Variants in SUMF1 observed in about 807,000 individuals in gnomAD.
The protein encoded by SUMF1 is formylglycine-generating enzyme.
A neutral mutation model predicts 47.6 loss-of-function variants in SUMF1; 48 were observed. The ratio of observed to expected loss-of-function variants is 1.01; its 90% CI spans 0.80 to 1.28. The LOEUF is 1.28. Among genes scored for constraint, SUMF1 ranks in the 50% most tolerant of loss-of-function variants. The pLI is 0.00. For missense variants in SUMF1, 571 were observed against 485.4 expected, an observed-to-expected ratio of 1.18 and a Z score of -1.66; for synonymous variants, 230 against 192.1, an observed-to-expected ratio of 1.20 and a Z score of -1.63.
chr3:4,379,840 CAAAAAAAA>C (rs58264459), intron 7 of SUMF1, among the ~76,000 whole-genome samples: 5 of 76,884 alleles, frequency 6.5e-5, no homozygotes, highest in Admixed American at 6.4e-4. Flanking sequence ...GCCTCCATCT[CAAAAAAAA>C]AAAAAAAAAA....
chr3:4,185,033 T>C lies in SUMF1; in HGVS notation c.1015-116288A>G, dbSNP rs146603272. On this transcript the variant is annotated intron_variant and NMD_transcript_variant, in intron 8 of 12. Coordinates refer to the SUMF1 transcript ENST00000448413. The stretch of plus-strand genomic sequence containing the variant: ...TAAGGTAAAATCATCCTATTTCCTA[T>C]ACAAGGAGATTTTGTTGGTAAAATT... Among the ~76,000 whole-genome samples, 517 of 152,306 alleles carry C rather than the reference T, an allele frequency of 3.4e-3. 4 individuals are homozygous for C. The highest frequency in any genetic ancestry group is 0.012 in the African/African-American group (484 of 41,574).
At chr3:4,336,730 T>A (rs1397364252) in intron 8 of SUMF1, among the ~76,000 whole-genome samples, 3 of 152,252 alleles carry the variant, frequency 2.0e-5, no homozygotes, top group African/African-American at 7.2e-5. Flanking sequence ...TGCCCAGGCA[T>A]GATCAAAGAT....
chr3:4,357,179 G>A (rs188645069), downstream of SUMF1, among the ~76,000 whole-genome samples: 2 of 152,242 alleles, frequency 1.3e-5, no homozygotes, highest in African/African-American at 4.8e-5. Context: ...AAGGAGGGAA[G>A]GAGGGAGACA....
intron 8 of SUMF1, among the ~76,000 whole-genome samples, chr3:4,153,728 T>C (rs1021500153): frequency 6.6e-6 from 1 of 151,600 alleles, no homozygotes; most frequent in Non-Finnish European, 1.5e-5. Context: ...ACCTCCTTTG[T>C]ATAGTTATTG....
chr3:4,296,025 G>A (rs1187546878), intron 8 of SUMF1, among the ~76,000 whole-genome samples: 1 of 151,700 alleles, frequency 6.6e-6, no homozygotes. Context: ...ACATAACACA[G>A]GGTCACAATT....
chr3:4,455,328 T>A (rs1218054243), intron 1 of SUMF1, among the ~76,000 whole-genome samples: 4 of 152,106 alleles, frequency 2.6e-5, no homozygotes, highest in Admixed American at 2.0e-4. Flanking sequence ...AAAAAATGAA[T>A]AAATTCCTAG....
At chr3:4,196,251 G>T (rs1309487597) in intron 8 of SUMF1, among the ~76,000 whole-genome samples, 1 of 152,028 alleles carries the variant, frequency 6.6e-6, no homozygotes, top group African/African-American at 2.4e-5. Context: ...CCAATCATAA[G>T]GTCCCATCTC....
At chr3:4,062,257 A>G (rs144641374) in intron 9 of SUMF1, among the ~76,000 whole-genome samples, 55 of 152,240 alleles carry the variant, frequency 3.6e-4, no homozygotes, top group African/African-American at 1.2e-3. Flanking sequence ...ACTGGGCATC[A>G]AAGAGTCTAG....
At chr3:4,364,804 T>C (rs1271230530) in intron 8 of SUMF1, among the ~76,000 whole-genome samples, 1 of 152,040 alleles carries the variant, frequency 6.6e-6, no homozygotes, top group African/African-American at 2.4e-5. Flanking sequence ...CTGGTTCTTT[T>C]AATTGTGATG....
chr3:4,177,650 A>G (rs1012641237), intron 8 of SUMF1, among the ~76,000 whole-genome samples: 1 of 152,162 alleles, frequency 6.6e-6, no homozygotes, highest in Non-Finnish European at 1.5e-5. Context: ...AAGAGCAAAC[A>G]CATTCAAAAG....
chr3:4,284,483 G>A (rs1472232915), intron 8 of SUMF1, among the ~76,000 whole-genome samples: 1 of 149,272 alleles, frequency 6.7e-6, no homozygotes, highest in Admixed American at 6.7e-5. Context: ...GAAGGAGGAG[G>A]AGGAGGAGAG....
At chr3:4,315,809 G>A (rs1698614030) in intron 8 of SUMF1, among the ~76,000 whole-genome samples, 1 of 152,080 alleles carries the variant, frequency 6.6e-6, no homozygotes, top group Admixed American at 6.6e-5. Flanking sequence ...CACTTTGGGA[G>A]GCTGAGGCAG....
chr3:4,347,850 T>C (rs1030094973), intron 8 of SUMF1, among the ~76,000 whole-genome samples: 11 of 152,204 alleles, frequency 7.2e-5, no homozygotes, highest in Middle Eastern at 3.4e-3. Flanking sequence ...GGTACAAAAG[T>C]CAACGTGCAA....
intron 9 of SUMF1, among the ~76,000 whole-genome samples, chr3:4,063,766 A>G (rs1169051754): frequency 6.6e-6 from 1 of 152,166 alleles, no homozygotes; most frequent in East Asian, 1.9e-4. Context: ...ATATTACTCA[A>G]TCAGAAAACT....
intron 8 of SUMF1, among the ~76,000 whole-genome samples, chr3:4,193,990 A>G (rs968158155): frequency 6.6e-6 from 1 of 152,168 alleles, no homozygotes; most frequent in Admixed American, 6.5e-5. Flanking sequence ...AAGTATGCCA[A>G]AAAACAATTC....
At chr3:4,393,386 G>C (rs557093515) in intron 7 of SUMF1, among the ~76,000 whole-genome samples, 1 of 152,264 alleles carries the variant, frequency 6.6e-6, no homozygotes, top group South Asian at 2.1e-4. Flanking sequence ...AGGCCACAAT[G>C]CAGTGGTGCA....
At chr3:4,140,832 T>A (rs1170217675) in intron 8 of SUMF1, among the ~76,000 whole-genome samples, 4 of 152,048 alleles carry the variant, frequency 2.6e-5, no homozygotes, top group Admixed American at 2.0e-4. Context: ...TAAACTTTTT[T>A]AAAAAGGTTT....
At chr3:4,255,479 A>C (rs1696928790) in intron 8 of SUMF1, among the ~76,000 whole-genome samples, 1 of 95,338 alleles carries the variant, frequency 1.0e-5, no homozygotes, top group African/African-American at 4.3e-5. Flanking sequence ...TCTCTGATAA[A>C]ACAGACTTTA....
In SUMF1 at chr3:4,453,381, T is replaced by G. The variant is rs555051701; in HGVS notation, c.271-332A>C. ...GCGAGAATATCCCACTTTTCTTTTT[T>G]TTTTGAGACAGGTTCTCACTCTTTT... On this transcript the variant is annotated intron_variant, in intron 1 of 8. Coordinates refer to ENST00000272902, the MANE Select transcript of SUMF1 (RefSeq NM_182760.4). Among the ~76,000 whole-genome samples, 195 of 152,242 alleles carry G rather than the reference T, an allele frequency of 1.3e-3. 2 individuals are homozygous for G. The highest frequency in any genetic ancestry group is 4.4e-3 in the African/African-American group (182 of 41,540).
Sources: allele counts gnomAD v4.1 joint callset (sites outside exome capture counted in the v4.1 genomes callset), GRCh38; gene constraint gnomAD v4.1.1; transcripts MANE v1.5; gene names NCBI Gene and HGNC (gene_info 2026-07-23, HGNC 2026-07-21).